The following ATAT1 variants were observed in gnomAD, a reference collection of about 807,000 sequenced individuals.
The protein encoded by ATAT1 is alpha tubulin acetyltransferase 1, also known as alpha-tubulin N-acetyltransferase 1.
ATAT1 carries 42 observed loss-of-function variants against 57.2 expected under a neutral mutation model. The ratio of observed to expected loss-of-function variants is 0.73; its 90% CI spans 0.57 to 0.95. The LOEUF (loss-of-function observed/expected upper bound fraction) is 0.95. Ranked by LOEUF, ATAT1 falls within the 40% of genes least tolerant of loss-of-function variation. The pLI, the probability that ATAT1 is intolerant of heterozygous loss-of-function variation, is 0.00. For missense variants in ATAT1, 454 were observed against 523.7 expected, an observed-to-expected ratio of 0.87 and a Z score of 1.30; for synonymous variants, 168 against 187.1, an observed-to-expected ratio of 0.90 and a Z score of 0.83.
chr6:30,633,965 A>G (rs1763458314), intron 6 of ATAT1: 1 of 163,572 alleles, frequency 6.1e-6, no homozygotes, highest in Non-Finnish European at 1.5e-5. Context: ...AGACAGCAAA[A>G]AAAGAAAAGT....
intron 6 of ATAT1, among the ~76,000 whole-genome samples, chr6:30,639,319 CT>C (rs1764872061): frequency 6.6e-6 from 1 of 151,710 alleles, no homozygotes; most frequent in East Asian, 1.9e-4. Flanking sequence ...ATTTGTGTAT[CT>C]TCTTTAGAGA....
intron 6 of ATAT1, among the ~76,000 whole-genome samples, chr6:30,636,902 C>T (rs1272130017): frequency 6.6e-6 from 1 of 152,130 alleles, no homozygotes; most frequent in African/African-American, 2.4e-5. Flanking sequence ...ACCTCTGCCT[C>T]CTGAGTCCAA....
chr6:30,634,674 A>C (rs921213341), intron 6 of ATAT1, among the ~76,000 whole-genome samples: 8 of 150,856 alleles, frequency 5.3e-5, no homozygotes, highest in Non-Finnish European at 8.9e-5. Flanking sequence ...AAAAAAAAAA[A>C]AAAAAAAAAC....
Position 30,642,834 on chromosome 6 carries a change from C to CT in ATAT1, c.755_756insT (p.His253ProfsTer47). ...GCCCCTCGCCGCGCCACACCTCCAGCCCACCCACCCCCCCGCTCCAGCAGC... is the reference window on the plus strand; with the variant it reads ...GCCCCTCGCCGCGCCACACCTCCAGCTCCACCCACCCCCCCGCTCCAGCAGC... On this transcript the variant is annotated frameshift_variant, in exon 10 of 13. Transcript: ENST00000330083. LOFTEE classifies it high-confidence loss of function. The CT allele has an allele frequency of 9.6e-6, 4 of 415,878 alleles. No homozygotes were observed. Among genetic ancestry groups the CT allele is most frequent in the South Asian group, 2.2e-5 (1 of 45,036 alleles). The allele number at this position is 415,878 out of a possible 1,614,324, so 25.8% of individuals were successfully genotyped here.
chr6:30,639,626 G>A lies in ATAT1; in HGVS notation c.502-751G>A, dbSNP rs529171064. 7.9e-5 allele frequency among the ~76,000 whole-genome samples: 12 copies of A among 151,872 alleles called. No homozygotes were observed. The South Asian group carries it at 2.3e-3, about 29-fold the overall frequency. ...CGAGTAGCTGGGACTACAGGCGCCC[G>A]CCACCACATCCGGCTAATTTTTTTG... On this transcript the variant is annotated intron_variant, in intron 6 of 12. Transcript: ENST00000330083.
chr6:30,638,797 G>C (rs1278015106), intron 6 of ATAT1, among the ~76,000 whole-genome samples: 1 of 152,186 alleles, frequency 6.6e-6, no homozygotes, highest in Non-Finnish European at 1.5e-5. Context: ...ATGTCTCCAA[G>C]GCTGTATTTC....
chr6:30,631,785 C>G (rs907170950), intron 6 of ATAT1, among the ~76,000 whole-genome samples: 112 of 150,098 alleles, frequency 7.5e-4, no homozygotes, highest in African/African-American at 2.4e-3. Flanking sequence ...TCAAAACAAA[C>G]AAACAAAAAA....
Position 30,646,056 on chromosome 6 carries a change from T to C in ATAT1, c.1013-11T>C. 6.2e-7 allele frequency: 1 copy of C among 1,611,020 alleles called. No individual in the cohort carries two copies. Among genetic ancestry groups the C allele is most frequent in the Non-Finnish European group, 8.5e-7 (1 of 1,178,544 alleles). ...CCTGCCTTCCCATTCACATGCCTGATATTTCCACAGGCAACCAAGACTCCA... is the reference window on the plus strand; with the variant it reads ...CCTGCCTTCCCATTCACATGCCTGACATTTCCACAGGCAACCAAGACTCCA... On this transcript the variant is annotated splice_polypyrimidine_tract_variant and intron_variant, in intron 11 of 12. Transcript: ENST00000330083.
intron 7 of ATAT1, 23 bp from the exon 8 acceptor site, chr6:30,640,512 C>T (rs1765183055): frequency 1.2e-6 from 2 of 1,612,790 alleles, no homozygotes; most frequent in African/African-American, 1.3e-5. Context: ...CACTGAGGGG[C>T]CCCGCCGCTT....
In ATAT1 at chr6:30,646,478, T is replaced by C. The variant is rs1561942054; in HGVS notation, c.1065T>C (p.Ser355=). 6.3e-7 allele frequency: 1 copy of C among 1,582,256 alleles called. No homozygotes were observed. The highest frequency in any genetic ancestry group is 1.3e-5 in the African/African-American group (1 of 74,138). The stretch of plus-strand genomic sequence containing the variant: ...TCTCCCCACCTACCAGGTCTGCCAG[T>C]GAGGAGCAGGCCTTGTCACAGGATG... The change falls in exon 13 of 13, where the codon AGT becomes AGC. Residue 355 remains serine (S), a synonymous_variant. Coordinates refer to ENST00000330083, the MANE Select transcript of ATAT1 (RefSeq NM_001031722.4).
At chr6:30,629,471 TG>T (rs1762377554) in intron 6 of ATAT1, among the ~76,000 whole-genome samples, 2 of 151,992 alleles carry the variant, frequency 1.3e-5, no homozygotes, top group Admixed American at 1.3e-4. Context: ...CCTGAACTCA[TG>T]GCCTCAAGTG....
chr6:30,634,975 G>C (rs918609742), intron 6 of ATAT1, among the ~76,000 whole-genome samples: 1 of 152,048 alleles, frequency 6.6e-6, no homozygotes, highest in African/African-American at 2.4e-5. Flanking sequence ...GCAACAGAGC[G>C]AGACTACATC....
chr6:30,636,928 C>T (rs1764227036), intron 6 of ATAT1, among the ~76,000 whole-genome samples: 1 of 151,934 alleles, frequency 6.6e-6, no homozygotes, highest in Admixed American at 6.6e-5. Flanking sequence ...TCTCTTGCCT[C>T]AGCCTCCTGA....
At chr6:30,637,748 C>T (rs890493672) in intron 6 of ATAT1, among the ~76,000 whole-genome samples, 1 of 151,468 alleles carries the variant, frequency 6.6e-6, no homozygotes, top group Non-Finnish European at 1.5e-5. Flanking sequence ...AAGGCCAAGG[C>T]GGGCGGATCA....
At chr6:30,640,124 C>T (rs572263619) in intron 6 of ATAT1, among the ~76,000 whole-genome samples, 3 of 149,900 alleles carry the variant, frequency 2.0e-5, no homozygotes, top group East Asian at 2.0e-4. Flanking sequence ...GGCAACAGAG[C>T]GAGACTCTGC....
chr6:30,646,427 T>G (rs1484235041), intron 12 of ATAT1, 42 bp from the exon 13 acceptor site: 1 of 1,498,502 alleles, frequency 6.7e-7, no homozygotes, highest in Non-Finnish European at 8.9e-7. Context: ...AATTTCCTCT[T>G]TAGTATTCCT....
At chr6:30,630,012 T>A (rs1762516578) in intron 6 of ATAT1, among the ~76,000 whole-genome samples, 1 of 152,210 alleles carries the variant, frequency 6.6e-6, no homozygotes, top group Non-Finnish European at 1.5e-5. Context: ...GTCTTGTTTA[T>A]AACTAAGTGC....
chr6:30,643,475 C>G (rs375402383), intron 10 of ATAT1: 118 of 1,548,154 alleles, frequency 7.6e-5, no homozygotes, highest in Non-Finnish European at 1.0e-4. Flanking sequence ...TTCTCTCCCC[C>G]GCCCCCCGCC....
chr6:30,635,450 G>A (rs139067295), intron 6 of ATAT1, among the ~76,000 whole-genome samples: 4,773 of 152,136 alleles, frequency 0.031, 121 homozygotes, highest in African/African-American at 0.072. Flanking sequence ...TTAGCCAGGC[G>A]AGGTGGCTCA....
Sources: allele counts gnomAD v4.1 joint callset (sites outside exome capture counted in the v4.1 genomes callset), GRCh38; gene constraint gnomAD v4.1.1; transcripts MANE v1.5; gene names NCBI Gene and HGNC (gene_info 2026-07-23, HGNC 2026-07-21).